GRHL2: variants seen among roughly 807,000 people sequenced by gnomAD.
The protein encoded by GRHL2 is grainyhead like transcription factor 2.
Under a neutral mutation model 83.8 loss-of-function variants are expected in GRHL2, and 21 were observed. That is an observed-to-expected ratio of 0.25 (90% CI 0.18 to 0.36). The LOEUF is 0.36. Among genes scored for constraint, GRHL2 ranks in the 10% least tolerant of loss-of-function variants. GRHL2 has a pLI of 1.00. For missense variants in GRHL2, 623 were observed against 781.8 expected (o/e 0.80, Z 2.42); for synonymous variants, 280 against 278.9 (o/e 1.00, Z -0.04).
intron 6 of GRHL2, among the ~76,000 whole-genome samples, chr8:101,575,121 A>G (rs192275799): frequency 2.6e-5 from 4 of 152,008 alleles, no homozygotes; most frequent in African/African-American, 9.6e-5. Context: ...GCCTGGATGT[A>G]TTTCTCTCTG....
intron 1 of GRHL2, among the ~76,000 whole-genome samples, chr8:101,503,050 A>G (rs770691558): frequency 1.3e-5 from 2 of 152,164 alleles, no homozygotes; most frequent in Non-Finnish European, 2.9e-5. Flanking sequence ...CACAATGATC[A>G]TTTATTTAGG....
chr8:101,643,804 C>A (rs1452831422), intron 12 of GRHL2, among the ~76,000 whole-genome samples: 1 of 152,256 alleles, frequency 6.6e-6, no homozygotes, highest in Non-Finnish European at 1.5e-5. Flanking sequence ...GGATTTACTT[C>A]CCCCCAGCCC....
intron 7 of GRHL2, among the ~76,000 whole-genome samples, chr8:101,582,682 G>T (rs188529844): frequency 1.3e-5 from 2 of 152,252 alleles, no homozygotes; most frequent in Admixed American, 6.5e-5. Flanking sequence ...AGAATGTTAG[G>T]GAAATGCTAT....
At chr8:101,505,193 C>T (rs1479943127) in intron 1 of GRHL2, among the ~76,000 whole-genome samples, 1 of 152,242 alleles carries the variant, frequency 6.6e-6, no homozygotes, top group African/African-American at 2.4e-5. Flanking sequence ...CTCCCCTCCC[C>T]CATCCTTTTC....
At chr8:101,659,757 G>A (rs975023669) in intron 14 of GRHL2, among the ~76,000 whole-genome samples, 2 of 152,190 alleles carry the variant, frequency 1.3e-5, no homozygotes, top group African/African-American at 2.4e-5. Flanking sequence ...TCAAAACGGC[G>A]TTTTGGGGGA....
chr8:101,499,934 G>A (rs770207538), intron 1 of GRHL2, among the ~76,000 whole-genome samples: 1 of 152,072 alleles, frequency 6.6e-6, no homozygotes, highest in Non-Finnish European at 1.5e-5. Context: ...AAATTAGCCA[G>A]GCATGGTGGC....
downstream of GRHL2, among the ~76,000 whole-genome samples, chr8:101,672,487 G>A (rs1410645911): frequency 2.0e-5 from 3 of 151,660 alleles, no homozygotes; most frequent in Non-Finnish European, 1.5e-5. Flanking sequence ...AATGAAGCGA[G>A]AAGGGAAGTT....
At chr8:101,629,896 A>G (rs1813152831) in intron 9 of GRHL2, among the ~76,000 whole-genome samples, 1 of 152,118 alleles carries the variant, frequency 6.6e-6, no homozygotes. Flanking sequence ...AGACTTCCCA[A>G]GCAGATAGTT....
chr8:101,678,599 C>G, the GRHL2 span, among the ~76,000 whole-genome samples: 1 of 151,666 alleles, frequency 6.6e-6, no homozygotes, highest in African/African-American at 2.4e-5. Context: ...GGAGGCCTGC[C>G]TGCCTCTGTA....
chr8:101,507,861 T>C (rs1197352523), intron 1 of GRHL2, among the ~76,000 whole-genome samples: 5 of 135,920 alleles, frequency 3.7e-5, no homozygotes, highest in Non-Finnish European at 7.7e-5. Flanking sequence ...CACTGCAACC[T>C]CCGTCTCCCG....
chr8:101,556,941 G>A (rs1458693729), intron 3 of GRHL2, among the ~76,000 whole-genome samples: 6 of 151,786 alleles, frequency 4.0e-5, no homozygotes, highest in African/African-American at 7.3e-5. Flanking sequence ...TTTCAAACAC[G>A]TACAGAAGTA....
At chr8:101,625,129 T>A (rs1007602344) in intron 9 of GRHL2, among the ~76,000 whole-genome samples, 7 of 152,164 alleles carry the variant, frequency 4.6e-5, no homozygotes, top group African/African-American at 1.7e-4. Flanking sequence ...CCTTACTTTA[T>A]TTCAGATATT....
At chr8:101,634,308 C>T (rs1306891884) in intron 11 of GRHL2, among the ~76,000 whole-genome samples, 1 of 152,156 alleles carries the variant, frequency 6.6e-6, no homozygotes, top group Non-Finnish European at 1.5e-5. Flanking sequence ...TGTGACTATC[C>T]TGTGGTTGAT....
chr8:101,642,964 C>T lies in GRHL2; in HGVS notation c.1518-1167C>T, dbSNP rs111739140. On this transcript the variant is annotated intron_variant, in intron 12 of 15. Transcript: ENST00000646743. Reference sequence around the variant, plus strand: ...GCCCAAGACAGTTGAGGAACTGGTCCGGGCTCCTACAGCAAATTGTAAGGC... The same window carrying T: ...GCCCAAGACAGTTGAGGAACTGGTCTGGGCTCCTACAGCAAATTGTAAGGC... Among the ~76,000 whole-genome samples, 1,299 of 152,232 alleles carry T rather than the reference C, an allele frequency of 8.5e-3. 14 individuals carry two copies. Among genetic ancestry groups the T allele is most frequent in the African/African-American group, 0.028 (1,183 of 41,514 alleles).
At chr8:101,629,535 T>G (rs531237367) in intron 9 of GRHL2, among the ~76,000 whole-genome samples, 1 of 152,248 alleles carries the variant, frequency 6.6e-6, no homozygotes, top group East Asian at 1.9e-4. Context: ...AACAGATTAA[T>G]TCTTGTCCCT....
intron 9 of GRHL2, among the ~76,000 whole-genome samples, chr8:101,628,349 C>T (rs768838353): frequency 4.6e-5 from 7 of 151,960 alleles, no homozygotes; most frequent in Non-Finnish European, 7.4e-5. Context: ...AACTACAAAG[C>T]CTGGATGACA....
chr8:101,558,917 T>C (rs1811546436), intron 4 of GRHL2, 105 bp downstream of exon 4: 4 of 1,206,282 alleles, frequency 3.3e-6, no homozygotes, highest in Non-Finnish European at 3.6e-6. Context: ...ACAGCAAGTT[T>C]TAGCTTCAAT....
At chr8:101,565,623 T>C (rs1811701369) in intron 4 of GRHL2, among the ~76,000 whole-genome samples, 1 of 152,114 alleles carries the variant, frequency 6.6e-6, no homozygotes, top group Non-Finnish European at 1.5e-5. Context: ...ACTTGTAAAG[T>C]CATACTTTAC....
intron 8 of GRHL2, among the ~76,000 whole-genome samples, chr8:101,610,089 C>T (rs549811804): frequency 1.5e-4 from 23 of 150,840 alleles, no homozygotes; most frequent in African/African-American, 5.5e-4. Flanking sequence ...AAGATCTGCT[C>T]GAGTGACAGA....
Sources: gnomAD v4.1 joint callset for allele counts (sites outside exome capture counted in the v4.1 genomes callset) on GRCh38, gnomAD v4.1.1 for gene constraint, MANE v1.5 for transcripts, NCBI Gene and HGNC (gene_info 2026-07-23, HGNC 2026-07-21) for gene names.